GPC5: variants seen among roughly 807,000 people sequenced by gnomAD.
The protein encoded by GPC5 is glypican 5.
Under a neutral mutation model 53.9 loss-of-function variants are expected in GPC5, and 47 were observed. That is an observed-to-expected ratio of 0.87 (90% confidence interval 0.69 to 1.11). GPC5 has a LOEUF of 1.11. Ranked by LOEUF, GPC5 falls within the 50% of genes most tolerant of loss-of-function variation. The pLI, the probability that GPC5 is intolerant of heterozygous loss-of-function variation, is 0.00. For missense variants in GPC5, 748 were observed against 713.1 expected (o/e 1.05, Z -0.56); for synonymous variants, 286 against 263.3 (o/e 1.09, Z -0.84).
At chr13:91,853,733 C>T (rs2038938015) in intron 5 of GPC5, among the ~76,000 whole-genome samples, 1 of 151,876 alleles carries the variant, frequency 6.6e-6, no homozygotes, top group Non-Finnish European at 1.5e-5. Flanking sequence ...TTTAAAGTGT[C>T]CTGATATCAG....
intron 7 of GPC5, among the ~76,000 whole-genome samples, chr13:92,501,831 C>G (rs1880193284): frequency 6.6e-6 from 1 of 152,004 alleles, no homozygotes; most frequent in Non-Finnish European, 1.5e-5. Flanking sequence ...GATAACTGTC[C>G]TCCCAGAATT....
At chr13:92,634,601 A>G (rs1383178440) in intron 7 of GPC5, among the ~76,000 whole-genome samples, 1 of 152,088 alleles carries the variant, frequency 6.6e-6, no homozygotes, top group Non-Finnish European at 1.5e-5. Flanking sequence ...AATTTTGTAC[A>G]CTTTGAAAAC....
chr13:92,738,401 T>C (rs767093233), intron 7 of GPC5, among the ~76,000 whole-genome samples: 5 of 152,104 alleles, frequency 3.3e-5, no homozygotes, highest in Non-Finnish European at 7.4e-5. Context: ...AATGAGATTA[T>C]TAAGTAGTTT....
At chr13:92,463,946 T>C (rs2139413512) in intron 7 of GPC5, among the ~76,000 whole-genome samples, 1 of 152,298 alleles carries the variant, frequency 6.6e-6, no homozygotes, top group South Asian at 2.1e-4. Flanking sequence ...ATCTTATTTT[T>C]ATTATTTTTG....
chr13:91,691,892 C>T (rs993110843), intron 2 of GPC5, among the ~76,000 whole-genome samples: 19 of 152,110 alleles, frequency 1.2e-4, no homozygotes, highest in Non-Finnish European at 2.1e-4. Flanking sequence ...TTAAAAGTGA[C>T]TATACGGTTG....
At chr13:92,077,305 C>G (rs1187947313) in intron 6 of GPC5, among the ~76,000 whole-genome samples, 1 of 152,160 alleles carries the variant, frequency 6.6e-6, no homozygotes, top group Admixed American at 6.5e-5. Context: ...CCGAGTTTGA[C>G]TCTTCATCAA....
At chr13:91,983,552 T>A (rs945336130) in intron 6 of GPC5, among the ~76,000 whole-genome samples, 1 of 152,096 alleles carries the variant, frequency 6.6e-6, no homozygotes, top group African/African-American at 2.4e-5. Context: ...CTCCAGGACA[T>A]CCACAATCGT....
chr13:92,844,498 T>G (rs1878537322), intron 7 of GPC5, among the ~76,000 whole-genome samples: 1 of 152,028 alleles, frequency 6.6e-6, no homozygotes, highest in Admixed American at 6.6e-5. Flanking sequence ...ATTTCCTTAA[T>G]ACATCTTTTT....
chr13:92,398,949 A>G (rs1258468514), intron 7 of GPC5, among the ~76,000 whole-genome samples: 2 of 151,884 alleles, frequency 1.3e-5, no homozygotes, highest in Non-Finnish European at 2.9e-5. Context: ...TCAGCCTCCT[A>G]CACTCCCAGT....
At chr13:92,605,015 G>A (rs1436286026) in intron 7 of GPC5, among the ~76,000 whole-genome samples, 4 of 152,054 alleles carry the variant, frequency 2.6e-5, no homozygotes, top group Non-Finnish European at 4.4e-5. Context: ...CAGATCCCAG[G>A]GTCCCATTAC....
In GPC5 at chr13:92,751,301, TTTAAAAAAAAAAA is replaced by T. The variant is rs1267920044; in HGVS notation, c.1562-114980_1562-114968del. ...GAAAACCTTTGGTCATCCAGAAACA[TTTAAAAAAAAAAA>T]AAAAAAAAAAAAAAAAAAAAACCTT... is the stretch of plus-strand genomic sequence containing the variant. On this transcript the variant is annotated intron_variant, in intron 7 of 7. Coordinates refer to ENST00000377067, the MANE Select transcript of GPC5 (RefSeq NM_004466.6). 1.8e-4 allele frequency among the ~76,000 whole-genome samples: 4 copies of T among 21,814 alleles called. No individual in the cohort carries two copies. The Admixed American group carries it at 2.7e-3, about 15-fold the overall frequency. 14.3% of individuals were successfully genotyped at this position (21,814 alleles called of 152,430 possible). A position where few individuals can be genotyped will look rare whatever the true frequency, so the allele number is the denominator to read the frequency against.
At chr13:92,847,607 G>C (rs937230009) in intron 7 of GPC5, among the ~76,000 whole-genome samples, 5 of 151,960 alleles carry the variant, frequency 3.3e-5, no homozygotes, top group Non-Finnish European at 4.4e-5. Flanking sequence ...TACAGCCTGG[G>C]GAACCATGAG....
intron 7 of GPC5, among the ~76,000 whole-genome samples, chr13:92,177,142 C>T (rs2042114457): frequency 6.6e-6 from 1 of 152,164 alleles, no homozygotes; most frequent in South Asian, 2.1e-4. Context: ...AACTTCTTGG[C>T]TTACAGACCC....
intron 6 of GPC5, among the ~76,000 whole-genome samples, chr13:92,075,384 C>G (rs2041244615): frequency 6.6e-6 from 1 of 152,158 alleles, no homozygotes; most frequent in African/African-American, 2.4e-5. Flanking sequence ...GTTCATGACA[C>G]TTGATAACGG....
At position 92,525,010 on chromosome 13, in the gene GPC5, C is replaced by G. The variant is rs767894627; in HGVS notation, c.1562-341272C>G. Among the ~76,000 whole-genome samples the G allele has an allele frequency of 2.6e-4, 39 of 152,088 alleles. 1 individual carries two copies. Among genetic ancestry groups the G allele is most frequent in the Middle Eastern group, 3.4e-3 (1 of 292 alleles). On this transcript the variant is annotated intron_variant, in intron 7 of 7. Transcript: ENST00000377067. ...TAAAGAAAGGTTGAGTGGGGCTTAT[C>G]AACTAAGAAAAACAAGTTCATGCAT...
At chr13:92,169,572 C>T (rs565173227) in intron 7 of GPC5, among the ~76,000 whole-genome samples, 2 of 152,202 alleles carry the variant, frequency 1.3e-5, no homozygotes, top group South Asian at 2.1e-4. Context: ...TACTACAAAT[C>T]TTTACATATA....
chr13:91,762,435 A>T lies in GPC5; in HGVS notation c.1280+6015A>T, dbSNP rs1429788089. On this transcript the variant is annotated intron_variant, in intron 5 of 7. Transcript: ENST00000377067. ...TATTTAACATCTGTCCTAGTTTCCA[A>T]AAGTTTTGAACTTCATTTTAAAAAC... Among the ~76,000 whole-genome samples, 33 of 151,738 alleles carry T rather than the reference A, an allele frequency of 2.2e-4. 1 individual carries two copies. The highest frequency in any genetic ancestry group is 2.2e-3 in the Admixed American group (33 of 15,240).
At chr13:91,410,538 G>A (rs1016625325) in intron 1 of GPC5, among the ~76,000 whole-genome samples, 4 of 151,498 alleles carry the variant, frequency 2.6e-5, no homozygotes, top group African/African-American at 9.7e-5. Context: ...AGTAGAGACG[G>A]GGTTTCACTG....
chr13:91,933,450 T>C (rs2039840718), intron 6 of GPC5, among the ~76,000 whole-genome samples: 1 of 151,982 alleles, frequency 6.6e-6, no homozygotes, highest in South Asian at 2.1e-4. Flanking sequence ...TATAGAAAGA[T>C]AAAAGAGTTC....
Sources: gnomAD v4.1 joint callset for allele counts (sites outside exome capture counted in the v4.1 genomes callset) on GRCh38, gnomAD v4.1.1 for gene constraint, MANE v1.5 for transcripts, NCBI Gene and HGNC (gene_info 2026-07-23, HGNC 2026-07-21) for gene names.